Variants in CD200R1 observed in about 807,000 individuals in gnomAD.
CD200R1 encodes the protein CD200 receptor 1, also known as cell surface glycoprotein CD200 receptor 1.
A neutral mutation model predicts 38.1 loss-of-function variants in CD200R1; 30 were observed. That is an observed-to-expected ratio of 0.79 (90% confidence interval 0.59 to 1.07). The LOEUF (loss-of-function observed/expected upper bound fraction) is 1.07, where lower values mean the gene tolerates loss of function less well. Ranked by LOEUF, CD200R1 falls within the 50% of genes least tolerant of loss-of-function variation. The pLI is 0.00. For synonymous variants in CD200R1, 128 were observed against 152.1 expected (o/e 0.84, Z 1.16); for missense variants, 372 against 415.4 (o/e 0.90, Z 0.91).
intron 2 of CD200R1, among the ~76,000 whole-genome samples, chr3:112,937,216 G>A (rs12497951): frequency 0.6 from 90,915 of 151,814 alleles, 27,653 homozygotes; most frequent in African/African-American, 0.71. Context: ...TTATAAAACC[G>A]TCAAATCTCA....
intron 1 of CD200R1, 59 bp downstream of exon 1, chr3:112,974,732 A>C: frequency 8.9e-7 from 1 of 1,118,412 alleles, no homozygotes; most frequent in Non-Finnish European, 1.4e-6. Context: ...CAAAAAATAA[A>C]CTCAGGAAGA....
At chr3:112,933,749 A>C (rs1464070658) in intron 2 of CD200R1, among the ~76,000 whole-genome samples, 1 of 152,134 alleles carries the variant, frequency 6.6e-6, no homozygotes, top group Non-Finnish European at 1.5e-5. Context: ...AATCAGGAAA[A>C]CAATTTGTGA....
At chr3:112,947,192 T>A (rs902404830) in intron 2 of CD200R1, among the ~76,000 whole-genome samples, 4 of 152,180 alleles carry the variant, frequency 2.6e-5, no homozygotes, top group Non-Finnish European at 5.9e-5. Context: ...TAAAATATTA[T>A]CATGGTGGAG....
At chr3:112,952,813 A>AT (rs1344234570) in intron 1 of CD200R1, among the ~76,000 whole-genome samples, 2 of 151,838 alleles carry the variant, frequency 1.3e-5, no homozygotes, top group East Asian at 3.9e-4. Flanking sequence ...TAAATAAATA[A>AT]TTTTTCGTGG....
intron 1 of CD200R1, among the ~76,000 whole-genome samples, chr3:112,967,496 G>A (rs181520635): frequency 1.1e-4 from 17 of 152,194 alleles, no homozygotes; most frequent in Admixed American, 6.5e-4. Context: ...ATGCACTTGC[G>A]CATTGTTTAA....
chr3:112,947,864 T>C lies in CD200R1; in HGVS notation c.128A>G (p.His43Arg). The change falls in exon 2 of 8, where the codon CAT (histidine) becomes CGT (arginine). Residue 43 changes from histidine to arginine, a missense_variant. Physicochemically the swap from His to Arg is conservative, Grantham distance 29. Coordinates refer to ENST00000308611, the MANE Select transcript of CD200R1 (RefSeq NM_138806.4). ...SLMLQTSKEN[H>R]ALASSSLCMD... ...TAAAAGATGCACATTACCTAAAGCA[T>C]GATTCTCCTTGCTAGTTTGCAGCAT... is the stretch of plus-strand genomic sequence containing the variant. 6.2e-7 allele frequency: 1 copy of C among 1,607,698 alleles called. No homozygotes were observed.
Position 112,963,646 on chromosome 3 carries a change from T to C in CD200R1, c.67+11145A>G, listed in dbSNP as rs1415485422. On this transcript the variant is annotated intron_variant, in intron 1 of 7. Transcript: ENST00000308611. ...GCGACTTGGGTGCTGTTAAAGGCAT[T>C]CAGTTTTATAAGTGAAGCAGAGCAC... Among the ~76,000 whole-genome samples the C allele has an allele frequency of 3.3e-5, 5 of 152,060 alleles. No individual in the cohort carries two copies. The East Asian group carries it at 9.6e-4, about 29-fold the overall frequency.
chr3:112,963,624 A>G (rs969189435), intron 1 of CD200R1, among the ~76,000 whole-genome samples: 1 of 152,190 alleles, frequency 6.6e-6, no homozygotes, highest in Admixed American at 6.6e-5. Context: ...TCAAGATGCG[A>G]CTTGGGTGCT....
chr3:112,928,707 A>C, intron 5 of CD200R1, 109 bp downstream of exon 5: 1 of 787,728 alleles, frequency 1.3e-6, no homozygotes, highest in Non-Finnish European at 2.0e-6. Flanking sequence ...ATAAAAATGA[A>C]GAGTGGGGAG....
intron 2 of CD200R1, among the ~76,000 whole-genome samples, chr3:112,932,402 C>T (rs985026856): frequency 2.0e-5 from 3 of 152,128 alleles, no homozygotes; most frequent in Non-Finnish European, 4.4e-5. Flanking sequence ...GCTGGCCAAA[C>T]CACTGCATGC....
intron 2 of CD200R1, among the ~76,000 whole-genome samples, chr3:112,945,914 G>C (rs925202161): frequency 7.3e-5 from 11 of 151,342 alleles, no homozygotes; most frequent in African/African-American, 2.7e-4. Context: ...TGTAGTCCCA[G>C]CTACTCTACT....
At chr3:112,927,257 C>A (rs1462155728) in intron 5 of CD200R1, among the ~76,000 whole-genome samples, 2 of 152,152 alleles carry the variant, frequency 1.3e-5, no homozygotes, top group Non-Finnish European at 2.9e-5. Flanking sequence ...CACACTCACA[C>A]ACATACACAT....
At chr3:112,941,229 T>A (rs1372583125) in intron 2 of CD200R1, among the ~76,000 whole-genome samples, 1 of 151,642 alleles carries the variant, frequency 6.6e-6, no homozygotes, top group African/African-American at 2.4e-5. Flanking sequence ...GCAAGTTCTA[T>A]TGTTTTATAG....
intron 1 of CD200R1, among the ~76,000 whole-genome samples, chr3:112,955,470 T>A (rs1022193049): frequency 2.6e-5 from 4 of 152,120 alleles, no homozygotes; most frequent in Non-Finnish European, 5.9e-5. Context: ...TAAATTGACC[T>A]CTTTATCAAT....
chr3:112,957,133 G>C (rs1036664140), intron 1 of CD200R1, among the ~76,000 whole-genome samples: 1 of 152,140 alleles, frequency 6.6e-6, no homozygotes, highest in Non-Finnish European at 1.5e-5. Flanking sequence ...GTGCTGTCTA[G>C]AATGGGGTAA....
chr3:112,928,748 C>CTT, intron 5 of CD200R1, 68 bp downstream of exon 5: 1 of 1,213,516 alleles, frequency 8.2e-7, no homozygotes, highest in Non-Finnish European at 1.1e-6. Flanking sequence ...ATTTGCACAT[C>CTT]TTTTTTTTTC....
At chr3:112,953,074 G>C (rs1410914186) in intron 1 of CD200R1, among the ~76,000 whole-genome samples, 1 of 152,150 alleles carries the variant, frequency 6.6e-6, no homozygotes, top group African/African-American at 2.4e-5. Flanking sequence ...CCCCCATAAA[G>C]TGTGAAGCTA....
intron 1 of CD200R1, among the ~76,000 whole-genome samples, chr3:112,965,543 A>C (rs1354149007): frequency 1.3e-5 from 2 of 152,144 alleles, no homozygotes; most frequent in Non-Finnish European, 2.9e-5. Context: ...CAGGTGGATC[A>C]CGAGGTCAAC....
At chr3:112,942,714 T>A (rs1940754844) in intron 2 of CD200R1, among the ~76,000 whole-genome samples, 1 of 151,524 alleles carries the variant, frequency 6.6e-6, no homozygotes, top group African/African-American at 2.4e-5. Context: ...TTATATGTTG[T>A]CTACAAAAAA....
Sources: gnomAD v4.1 joint callset for allele counts (sites outside exome capture counted in the v4.1 genomes callset) on GRCh38, gnomAD v4.1.1 for gene constraint, MANE v1.5 for transcripts, NCBI Gene and HGNC (gene_info 2026-07-23, HGNC 2026-07-21) for gene names.